Variants in TSPAN9 observed in about 807,000 individuals in gnomAD.
TSPAN9 encodes the protein tetraspanin-9.
A neutral mutation model predicts 31.0 loss-of-function variants in TSPAN9; 16 were observed. That is an observed-to-expected ratio of 0.52 (90% confidence interval 0.35 to 0.78). TSPAN9 has a LOEUF of 0.78. Among genes scored for constraint, TSPAN9 ranks in the 30% least tolerant of loss-of-function variants. The probability of loss-of-function intolerance (pLI) is 0.01; values close to 1 mark genes in which losing one functional copy is unlikely to be tolerated. For synonymous variants in TSPAN9, 145 were observed against 121.6 expected, an observed-to-expected ratio of 1.19 and a Z score of -1.27; for missense variants, 272 against 312.5, an observed-to-expected ratio of 0.87 and a Z score of 0.98.
At chr12:3,150,292 G>C (rs1415164105) in intron 2 of TSPAN9, among the ~76,000 whole-genome samples, 1 of 152,184 alleles carries the variant, frequency 6.6e-6, no homozygotes, top group Non-Finnish European at 1.5e-5. Context: ...ACTTGATGCT[G>C]ATGCCCAGAG....
intron 2 of TSPAN9, among the ~76,000 whole-genome samples, chr12:3,112,949 G>T (rs2098319921): frequency 6.6e-6 from 1 of 152,136 alleles, no homozygotes; most frequent in Non-Finnish European, 1.5e-5. Context: ...TACTCCTAAA[G>T]TGTGGATATT....
At chr12:3,269,910 G>A (rs61907483) in intron 3 of TSPAN9, among the ~76,000 whole-genome samples, 66,640 of 152,166 alleles carry the variant, frequency 0.44, 16,026 homozygotes, top group South Asian at 0.62. Context: ...TTTGCCCCGC[G>A]TGCACAGCCT....
In TSPAN9 at chr12:3,285,587, C is replaced by T. The variant is rs1014783814; in HGVS notation, c.*2471C>T. 2 of 152,154 alleles carry T rather than the reference C, an allele frequency of 1.3e-5. No homozygotes were observed. The highest frequency in any genetic ancestry group is 4.8e-5 in the African/African-American group (2 of 41,422). The allele number at this position is 152,154 out of a possible 1,614,324, so 9.4% of individuals were successfully genotyped here. A position where few individuals can be genotyped will look rare whatever the true frequency, so the allele number is the denominator to read the frequency against. ...TGTGTGCACAGAGTGGGTGTTCCTTCGAGCCCCTTCCACTCAGAGGGCCAC... is the reference window on the plus strand; with the variant it reads ...TGTGTGCACAGAGTGGGTGTTCCTTTGAGCCCCTTCCACTCAGAGGGCCAC... On this transcript the variant is annotated 3_prime_UTR_variant, in exon 9 of 9. Transcript: ENST00000011898.
At chr12:3,130,142 C>T (rs998893829) in intron 2 of TSPAN9, among the ~76,000 whole-genome samples, 26 of 152,316 alleles carry the variant, frequency 1.7e-4, no homozygotes, top group Middle Eastern at 6.8e-3. Context: ...TCTACTTCCG[C>T]TTCCCCCGGT....
chr12:3,247,296 C>T (rs1224648699), intron 3 of TSPAN9, among the ~76,000 whole-genome samples: 1 of 20,558 alleles, frequency 4.9e-5, no homozygotes, highest in Non-Finnish European at 1.6e-4. Flanking sequence ...GCATTACTGG[C>T]CAGCCCCCCC....
rs527531300 is a variant in TSPAN9 at position 3,259,943 on chromosome 12, G to A, written c.64-18478G>A. Among the ~76,000 whole-genome samples the A allele has an allele frequency of 1.5e-4, 23 of 152,364 alleles. 1 individual carries two copies. Among genetic ancestry groups the A allele is most frequent in the African/African-American group, 4.1e-4 (17 of 41,574 alleles). ...TGTAGCAGTGGAGGTGGGGAGAGATGGATGGACTGGAGATGGGAGTTGGAG... is the reference window on the plus strand; with the variant it reads ...TGTAGCAGTGGAGGTGGGGAGAGATAGATGGACTGGAGATGGGAGTTGGAG... On this transcript the variant is annotated intron_variant, in intron 3 of 8. Transcript: ENST00000011898.
At chr12:3,227,758 G>A (rs1329295554) in intron 3 of TSPAN9, among the ~76,000 whole-genome samples, 1 of 152,214 alleles carries the variant, frequency 6.6e-6, no homozygotes, top group Admixed American at 6.5e-5. Context: ...CTCACTTGCA[G>A]CTGGGACTTG....
intron 2 of TSPAN9, among the ~76,000 whole-genome samples, chr12:3,110,749 C>A (rs935786408): frequency 2.0e-5 from 3 of 152,202 alleles, no homozygotes; most frequent in African/African-American, 7.2e-5. Context: ...TCAGACTGTT[C>A]TGATGTGCCA....
intron 7 of TSPAN9, 56 bp from the exon 8 acceptor site, chr12:3,281,678 C>T (rs1264948456): frequency 3.2e-6 from 5 of 1,563,578 alleles, no homozygotes; most frequent in South Asian, 1.2e-5. Flanking sequence ...GGGGGCTGGG[C>T]TGCAGGGAGC....
chr12:3,278,686 C>T, intron 4 of TSPAN9, 74 bp downstream of exon 4: 2 of 1,551,802 alleles, frequency 1.3e-6, no homozygotes, highest in South Asian at 1.2e-5. Context: ...ACAGGCAAGA[C>T]CTGGAATATT....
intron 2 of TSPAN9, among the ~76,000 whole-genome samples, chr12:3,169,859 G>A (rs1441177589): frequency 2.0e-5 from 3 of 152,170 alleles, no homozygotes; most frequent in Non-Finnish European, 2.9e-5. Flanking sequence ...GGGAGGTGGA[G>A]GGTACAGAGA....
chr12:3,136,760 G>C (rs1219708096), intron 2 of TSPAN9, among the ~76,000 whole-genome samples: 1 of 152,168 alleles, frequency 6.6e-6, no homozygotes, highest in Non-Finnish European at 1.5e-5. Context: ...AGGAGCTGGA[G>C]GGAGAGAGTG....
rs530148024 is a variant in TSPAN9, at chr12:3,147,760, G to A, written c.-17-53417G>A. On this transcript the variant is annotated intron_variant, in intron 2 of 8. Coordinates refer to ENST00000011898, the MANE Select transcript of TSPAN9 (RefSeq NM_006675.5). The surrounding 1 kb of genome is among the most constrained non-coding windows in gnomAD (Gnocchi z 4.3). ...ACATGTTGCTAGTGGCTGCCACGTC[G>A]GACGGTACTGTTCTAGACCAGTAGT... Among the ~76,000 whole-genome samples, 38 of 152,290 alleles carry A rather than the reference G, an allele frequency of 2.5e-4. No individual in the cohort carries two copies. In the South Asian group the frequency reaches 6.4e-3, roughly 26 times the overall value.
intron 2 of TSPAN9, among the ~76,000 whole-genome samples, chr12:3,125,800 C>A (rs1427046874): frequency 6.6e-6 from 1 of 152,034 alleles, no homozygotes; most frequent in Non-Finnish European, 1.5e-5. Flanking sequence ...GCTGACAATA[C>A]GTTTGAAACT....
intron 3 of TSPAN9, among the ~76,000 whole-genome samples, chr12:3,221,769 C>T (rs2098384717): frequency 6.6e-6 from 1 of 152,206 alleles, no homozygotes; most frequent in African/African-American, 2.4e-5. Context: ...GATACTCCTG[C>T]CTCAGTCTCC....
At chr12:3,275,424 T>A (rs1171865226) in intron 3 of TSPAN9, among the ~76,000 whole-genome samples, 1 of 152,198 alleles carries the variant, frequency 6.6e-6, no homozygotes, top group Non-Finnish European at 1.5e-5. Flanking sequence ...GGTTTCCGCT[T>A]ACTCATTCCA....
chr12:3,284,251 T>G lies in TSPAN9; in HGVS notation c.*1135T>G, dbSNP rs1339239455. On this transcript the variant is annotated 3_prime_UTR_variant, in exon 9 of 9. Transcript: ENST00000011898. ...TCTCTAGTTCGGATGCTGCTCACTT[T>G]CCCCCTTGCTTCTGGAAGGGGAAGC... 1 of 152,592 alleles carries G rather than the reference T, an allele frequency of 6.6e-6. No homozygotes were observed. Among genetic ancestry groups the G allele is most frequent in the African/African-American group, 2.4e-5 (1 of 41,438 alleles). The allele number at this position is 152,592 out of a possible 1,614,324, so 9.5% of individuals were successfully genotyped here. A position where few individuals can be genotyped will look rare whatever the true frequency, so the allele number is the denominator to read the frequency against.
At position 3,144,805 on chromosome 12, in the gene TSPAN9, T is replaced by C. The variant is rs148558453; in HGVS notation, c.-17-56372T>C. Among the ~76,000 whole-genome samples, 569 of 152,364 alleles carry C rather than the reference T, an allele frequency of 3.7e-3. 2 individuals carry two copies. The highest frequency in any genetic ancestry group is 0.013 in the African/African-American group (550 of 41,580). On this transcript the variant is annotated intron_variant, in intron 2 of 8. Transcript: ENST00000011898. ...GTGAACACAGAGGCTAGTGCTAGCA[T>C]GTCAGCCATGGCCAGGTGCCCCTTC...
At chr12:3,263,419 G>C (rs1288508561) in intron 3 of TSPAN9, among the ~76,000 whole-genome samples, 1 of 152,200 alleles carries the variant, frequency 6.6e-6, no homozygotes, top group East Asian at 1.9e-4. Flanking sequence ...TATGCGGAGA[G>C]GCGCACCTCT....
Sources: gnomAD v4.1 joint callset for allele counts (sites outside exome capture counted in the v4.1 genomes callset) on GRCh38, gnomAD v4.1.1 for gene constraint, Gnocchi (gnomAD v3.1) non-coding constraint, MANE v1.5 for transcripts, NCBI Gene and HGNC (gene_info 2026-07-23, HGNC 2026-07-21) for gene names.